Variants in NAALADL2 observed in about 807,000 individuals in gnomAD.
NAALADL2 encodes the protein N-acetylated alpha-linked acidic dipeptidase like 2.
NAALADL2 carries 76 observed loss-of-function variants against 87.2 expected under a neutral mutation model. The ratio of observed to expected loss-of-function variants is 0.87; its 90% CI spans 0.72 to 1.05. NAALADL2 has a LOEUF of 1.05. Among genes scored for constraint, NAALADL2 ranks in the 50% least tolerant of loss-of-function variants. The probability of loss-of-function intolerance (pLI) is 0.00; values close to 1 mark genes in which losing one functional copy is unlikely to be tolerated. For missense variants in NAALADL2, 1,089 were observed against 945.8 expected (o/e 1.15, Z -1.99); for synonymous variants, 354 against 331.0 (o/e 1.07, Z -0.75).
intron 13 of NAALADL2, chr3:175,774,894 T>G (rs764965785): frequency 6.6e-6 from 1 of 152,080 alleles, no homozygotes; most frequent in Non-Finnish European, 1.5e-5. Flanking sequence ...TTCTTTTTTA[T>G]GTAGTTTAAT....
chr3:175,124,330 G>T (rs762239417), intron 2 of NAALADL2: 3 of 151,980 alleles, frequency 2.0e-5, no homozygotes, highest in Non-Finnish European at 4.4e-5. Flanking sequence ...TGTTGGTTCA[G>T]TTGATCATTG....
chr3:175,322,773 C>A (rs1020621668), intron 4 of NAALADL2, among the ~76,000 whole-genome samples: 1 of 146,092 alleles, frequency 6.8e-6, no homozygotes, highest in Non-Finnish European at 1.5e-5. Context: ...AAATGCAAAT[C>A]AAAACCACTA....
chr3:175,629,889 T>C (rs1727518880), intron 11 of NAALADL2, among the ~76,000 whole-genome samples: 1 of 151,714 alleles, frequency 6.6e-6, no homozygotes, highest in Non-Finnish European at 1.5e-5. Context: ...TCACAGATAT[T>C]GGAATATATT....
chr3:175,132,359 G>A (rs1311213131), intron 2 of NAALADL2, among the ~76,000 whole-genome samples: 1 of 89,054 alleles, frequency 1.1e-5, no homozygotes, highest in Non-Finnish European at 2.2e-5. Flanking sequence ...TGGGCAGAGG[G>A]GCTCCTCACT....
chr3:175,245,045 A>C (rs35558281), intron 3 of NAALADL2, among the ~76,000 whole-genome samples: 44,481 of 151,908 alleles, frequency 0.29, 8,070 homozygotes, highest in South Asian at 0.42. Flanking sequence ...TATCTCTTTA[A>C]TACCCTCTTT....
At chr3:175,310,510 A>T (rs1159070711) in intron 4 of NAALADL2, among the ~76,000 whole-genome samples, 2 of 152,030 alleles carry the variant, frequency 1.3e-5, no homozygotes, top group African/African-American at 4.8e-5. Flanking sequence ...TTACCTTTAG[A>T]GATATTTTAT....
At chr3:175,423,248 C>T (rs1716143127) in intron 5 of NAALADL2, among the ~76,000 whole-genome samples, 1 of 146,280 alleles carries the variant, frequency 6.8e-6, no homozygotes, top group African/African-American at 2.5e-5. Flanking sequence ...GGGCTCAAAC[C>T]GTTTAATTTC....
intron 11 of NAALADL2, among the ~76,000 whole-genome samples, chr3:175,658,763 G>A (rs1731854261): frequency 6.6e-6 from 1 of 152,074 alleles, no homozygotes; most frequent in Admixed American, 6.6e-5. Flanking sequence ...ATTGTAATTT[G>A]AACTGAACAA....
chr3:174,848,426 T>A (rs1177490202), intron 3 of NAALADL2, among the ~76,000 whole-genome samples: 4 of 152,160 alleles, frequency 2.6e-5, no homozygotes, highest in Non-Finnish European at 2.9e-5. Flanking sequence ...GCCAACTTTC[T>A]TTTTGAAATC....
intron 1 of NAALADL2, among the ~76,000 whole-genome samples, chr3:174,908,134 T>C (rs1338946734): frequency 6.6e-6 from 1 of 150,836 alleles, no homozygotes; most frequent in Non-Finnish European, 1.5e-5. Flanking sequence ...GCATGGAAAG[T>C]TCTGGAATAC....
At chr3:175,151,265 A>G (rs891637199) in intron 2 of NAALADL2, among the ~76,000 whole-genome samples, 1 of 152,130 alleles carries the variant, frequency 6.6e-6, no homozygotes, top group Non-Finnish European at 1.5e-5. Flanking sequence ...GAAGTCAGCT[A>G]TGGAAGCCAG....
chr3:175,222,965 C>T (rs1370407596), intron 2 of NAALADL2, among the ~76,000 whole-genome samples: 1 of 152,048 alleles, frequency 6.6e-6, no homozygotes, highest in African/African-American at 2.4e-5. Flanking sequence ...TTTCCTCCAG[C>T]TTTATTGAAG....
chr3:175,745,393 C>T (rs1745784881), intron 12 of NAALADL2, among the ~76,000 whole-genome samples: 1 of 152,022 alleles, frequency 6.6e-6, no homozygotes, highest in Non-Finnish European at 1.5e-5. Flanking sequence ...TACAGTTGTC[C>T]CTCAGTATCC....
intron 1 of NAALADL2, among the ~76,000 whole-genome samples, chr3:174,973,170 T>C (rs1743924510): frequency 6.6e-6 from 1 of 152,182 alleles, no homozygotes; most frequent in Non-Finnish European, 1.5e-5. Flanking sequence ...GCAAAAATTA[T>C]AGCTCAGTGT....
At chr3:175,412,050 G>A (rs1452717003) in intron 5 of NAALADL2, among the ~76,000 whole-genome samples, 1 of 152,164 alleles carries the variant, frequency 6.6e-6, no homozygotes, top group Non-Finnish European at 1.5e-5. Context: ...TCTGCCCAAA[G>A]GGAGAACTTC....
intron 2 of NAALADL2, among the ~76,000 whole-genome samples, chr3:174,552,616 G>A (rs1007219272): frequency 6.6e-6 from 1 of 151,604 alleles, no homozygotes. Flanking sequence ...GAAACATGGC[G>A]AAATCCTGTC....
Position 175,023,415 on chromosome 3 carries a change from T to C in NAALADL2, c.44-73375T>C, listed in dbSNP as rs190183106. The stretch of plus-strand genomic sequence containing the variant: ...CTAGTAGGAAAAGGGAGAAAGAAAA[T>C]GTGTCTGTCATAAAGTTTATATTAT... On this transcript the variant is annotated intron_variant, in intron 1 of 13. Coordinates refer to ENST00000454872, the MANE Select transcript of NAALADL2 (RefSeq NM_207015.3). 5.0e-3 allele frequency among the ~76,000 whole-genome samples: 760 copies of C among 152,188 alleles called. 7 individuals are homozygous for C. Among genetic ancestry groups the C allele is most frequent in the Non-Finnish European group, 7.8e-3 (533 of 67,990 alleles).
intron 2 of NAALADL2, among the ~76,000 whole-genome samples, chr3:175,201,699 G>A (rs539459513): frequency 2.9e-4 from 43 of 149,820 alleles, no homozygotes; most frequent in African/African-American, 1.0e-3. Context: ...ATTTCCTTTT[G>A]TATGCTTTCT....
chr3:175,725,967 G>T (rs866936917), intron 11 of NAALADL2, among the ~76,000 whole-genome samples: 1 of 152,198 alleles, frequency 6.6e-6, no homozygotes, highest in Middle Eastern at 3.4e-3. Flanking sequence ...AGCACATGCA[G>T]ATTACTACTA....
Sources: allele counts gnomAD v4.1 joint callset (sites outside exome capture counted in the v4.1 genomes callset), GRCh38; gene constraint gnomAD v4.1.1; transcripts MANE v1.5; gene names NCBI Gene and HGNC (gene_info 2026-07-23, HGNC 2026-07-21).